Variants in DRD2 observed in about 807,000 individuals in gnomAD.
DRD2 encodes D(2) dopamine receptor.
In DRD2, 8 loss-of-function variants were observed where a neutral mutation model predicts 38.0. The ratio of observed to expected loss-of-function variants is 0.21; its 90% CI spans 0.12 to 0.38. DRD2 has a LOEUF of 0.38. Ranked by LOEUF, DRD2 falls within the 10% of genes least tolerant of loss-of-function variation. DRD2 has a pLI of 1.00. For synonymous variants in DRD2, 230 were observed against 238.6 expected, an observed-to-expected ratio of 0.96 and a Z score of 0.33; for missense variants, 403 against 607.7, an observed-to-expected ratio of 0.66 and a Z score of 3.54.
chr11:113,474,010 A>C (rs1162911596), intron 1 of DRD2, among the ~76,000 whole-genome samples: 2 of 152,184 alleles, frequency 1.3e-5, no homozygotes, highest in Non-Finnish European at 2.9e-5. Context: ...AAGGATCTGG[A>C]GTGGGATCCA....
At position 113,412,992 on chromosome 11, in the gene DRD2, A is replaced by T. The variant is rs931850895; in HGVS notation, c.811-109T>A. ...CCCTCTGAAGACTCCTGCAAACACC[A>T]CAGGGTCACCCTGCCAGGGAGGCAA... On this transcript the variant is annotated intron_variant, in intron 6 of 7. Coordinates refer to ENST00000362072, the MANE Select transcript of DRD2 (RefSeq NM_000795.4). The T allele has an allele frequency of 2.4e-6, 3 of 1,249,870 alleles. No homozygotes were observed. The African/African-American group carries it at 4.5e-5, about 19-fold the overall frequency. 77.4% of individuals were successfully genotyped at this position (1,249,870 alleles called of 1,614,324 possible). A position where few individuals can be genotyped will look rare whatever the true frequency, so the allele number is the denominator to read the frequency against.
At chr11:113,433,108 C>T (rs540276521) in intron 1 of DRD2, among the ~76,000 whole-genome samples, 4 of 151,086 alleles carry the variant, frequency 2.6e-5, no homozygotes, top group African/African-American at 2.4e-5. Context: ...GGGTCTGTGG[C>T]GAGGAAAAAA....
intron 1 of DRD2, among the ~76,000 whole-genome samples, chr11:113,457,089 C>G (rs1434498712): frequency 6.6e-6 from 1 of 152,138 alleles, no homozygotes; most frequent in African/African-American, 2.4e-5. Flanking sequence ...GAGACCCAAG[C>G]AGCTCCGGAG....
intron 5 of DRD2, 128 bp from the exon 6 acceptor site, chr11:113,414,589 C>A: frequency 1.1e-6 from 1 of 919,842 alleles, no homozygotes; most frequent in Non-Finnish European, 1.8e-6. Flanking sequence ...GGGTGGGGGC[C>A]AGAGGAGGCA....
In DRD2 at chr11:113,437,662, C is replaced by A. The variant is rs553911552; in HGVS notation, c.-31-12980G>T. Among the ~76,000 whole-genome samples, 296 of 152,168 alleles carry A rather than the reference C, an allele frequency of 1.9e-3. 1 individual carries two copies. The Middle Eastern group carries it at 0.02, about 10-fold the overall frequency. On this transcript the variant is annotated intron_variant, in intron 1 of 7. Transcript: ENST00000362072. Reference sequence around the variant, plus strand: ...AGGGCACGCTGGAGTCCAGGTGGAGCCAAGGAGCACAGGGCATGCTCGAGT... The same window carrying A: ...AGGGCACGCTGGAGTCCAGGTGGAGACAAGGAGCACAGGGCATGCTCGAGT...
intron 1 of DRD2, among the ~76,000 whole-genome samples, chr11:113,466,841 A>G (rs767794819): frequency 1.3e-5 from 2 of 152,228 alleles, no homozygotes; most frequent in Admixed American, 6.5e-5. Flanking sequence ...TCTCTGCTTC[A>G]AGGAGCTCAT....
intron 1 of DRD2, among the ~76,000 whole-genome samples, chr11:113,462,584 A>C (rs1951333579): frequency 6.6e-6 from 1 of 152,210 alleles, no homozygotes; most frequent in Admixed American, 6.5e-5. Flanking sequence ...CCTCCCCTGC[A>C]GGCTTTAGAG....
At chr11:113,439,058 G>T (rs1293510516) in intron 1 of DRD2, among the ~76,000 whole-genome samples, 1 of 152,172 alleles carries the variant, frequency 6.6e-6, no homozygotes, top group Non-Finnish European at 1.5e-5. Context: ...AAACTCTAAA[G>T]TCCCATAAAA....
At chr11:113,417,144 C>T (rs560418794) in intron 3 of DRD2, 145 bp from the exon 4 acceptor site, 44 of 1,241,078 alleles carry the variant, frequency 3.5e-5, no homozygotes, top group Non-Finnish European at 4.8e-5. Context: ...CTAACTCAAC[C>T]CTCCCTCCTG....
chr11:113,441,027 G>A (rs760052372), intron 1 of DRD2, among the ~76,000 whole-genome samples: 1 of 152,192 alleles, frequency 6.6e-6, no homozygotes, highest in Non-Finnish European at 1.5e-5. Context: ...ACAGCTCCCT[G>A]AGGCACAGGT....
At chr11:113,460,754 G>T (rs1225836895) in intron 1 of DRD2, among the ~76,000 whole-genome samples, 1 of 152,244 alleles carries the variant, frequency 6.6e-6, no homozygotes, top group Non-Finnish European at 1.5e-5. Context: ...GGGAGATGCT[G>T]CAGAGGGCAG....
chr11:113,425,563 T>TTGAATAGGTGA (rs1950933619), intron 1 of DRD2, among the ~76,000 whole-genome samples: 1 of 152,188 alleles, frequency 6.6e-6, no homozygotes, highest in Non-Finnish European at 1.5e-5. Context: ...GATTCGCCTT[T>TTGAATAGGTGA]CGAATAGGTG....
intron 1 of DRD2, among the ~76,000 whole-genome samples, chr11:113,427,670 AAC>A (rs967409490): frequency 2.6e-5 from 4 of 152,186 alleles, no homozygotes; most frequent in Non-Finnish European, 5.9e-5. Context: ...GGCACCTGCT[AAC>A]ATAGGCTACC....
intron 6 of DRD2, chr11:113,413,330 GGTACC>G: frequency 3.8e-6 from 2 of 531,110 alleles, no homozygotes; most frequent in Non-Finnish European, 7.4e-6. Context: ...CCACTTCATG[GGTACC>G]TGCACCTGCG....
chr11:113,466,737 C>G (rs1305696603), intron 1 of DRD2, among the ~76,000 whole-genome samples: 1 of 152,172 alleles, frequency 6.6e-6, no homozygotes, highest in Admixed American at 6.5e-5. Flanking sequence ...CATCACTTAT[C>G]CACTCACCCA....
intron 1 of DRD2, among the ~76,000 whole-genome samples, chr11:113,461,321 T>C (rs1432167173): frequency 1.3e-5 from 2 of 152,090 alleles, no homozygotes; most frequent in African/African-American, 4.8e-5. Context: ...GTCTAAGAGG[T>C]CCTTGATCTT....
At chr11:113,444,554 T>C (rs112646785) in intron 1 of DRD2, among the ~76,000 whole-genome samples, 3,932 of 152,320 alleles carry the variant, frequency 0.026, 80 homozygotes, top group Middle Eastern at 0.068. Flanking sequence ...CTATGTTCAG[T>C]CTCTAACGGG....
intron 1 of DRD2, among the ~76,000 whole-genome samples, chr11:113,467,546 T>C (rs1951381967): frequency 1.3e-5 from 2 of 152,220 alleles, no homozygotes; most frequent in African/African-American, 4.8e-5. Context: ...GCCCTTTCAA[T>C]CTGGGAAAAG....
At chr11:113,433,430 A>G (rs1235057872) in intron 1 of DRD2, among the ~76,000 whole-genome samples, 1 of 152,106 alleles carries the variant, frequency 6.6e-6, no homozygotes, top group South Asian at 2.1e-4. Context: ...AGGCTGGGGG[A>G]TACCCGTTAG....
Sources: gnomAD v4.1 joint callset for allele counts (sites outside exome capture counted in the v4.1 genomes callset) on GRCh38, gnomAD v4.1.1 for gene constraint, MANE v1.5 for transcripts, NCBI Gene and HGNC (gene_info 2026-07-23, HGNC 2026-07-21) for gene names.